The following CAST variants were observed in gnomAD, a reference collection of about 807,000 sequenced individuals.
The protein encoded by CAST is calpastatin.
Under a neutral mutation model 119.6 loss-of-function variants are expected in CAST, and 76 were observed. The ratio of observed to expected loss-of-function variants is 0.64; its 90% CI spans 0.53 to 0.77. The LOEUF (loss-of-function observed/expected upper bound fraction) is 0.77, where lower values mean the gene tolerates loss of function less well. CAST is among the 30% of genes least tolerant of loss of function. CAST has a pLI of 0.00. For missense variants in CAST, 953 were observed against 946.5 expected (o/e 1.01, Z -0.09); for synonymous variants, 319 against 331.6 (o/e 0.96, Z 0.41).
chr5:96,574,837 C>G (rs567740863), intron 1 of CAST, among the ~76,000 whole-genome samples: 1 of 152,278 alleles, frequency 6.6e-6, no homozygotes, highest in East Asian at 1.9e-4. Flanking sequence ...CCATACGAAA[C>G]AGCACATTCC....
chr5:96,553,280 C>A (rs1746171912), intron 1 of CAST, among the ~76,000 whole-genome samples: 1 of 152,164 alleles, frequency 6.6e-6, no homozygotes, highest in African/African-American at 2.4e-5. Flanking sequence ...TAGACATAAT[C>A]CATCACATAA....
the CAST span, among the ~76,000 whole-genome samples, chr5:96,495,664 T>C: frequency 6.6e-6 from 1 of 152,238 alleles, no homozygotes; most frequent in South Asian, 2.1e-4. Context: ...GTCCACTCTA[T>C]GATTGATGGG....
chr5:96,002,989 A>C, the CAST span, among the ~76,000 whole-genome samples: 1 of 152,140 alleles, frequency 6.6e-6, no homozygotes, highest in African/African-American at 2.4e-5. Flanking sequence ...TAATCCCAGC[A>C]CTTTGGGAGG....
chr5:96,375,895 C>A, the CAST span, among the ~76,000 whole-genome samples: 358 of 142,292 alleles, frequency 2.5e-3, 3 homozygotes, highest in South Asian at 3.8e-3. Context: ...AAATCTCTCT[C>A]TCTCTATATA....
intron 1 of CAST, among the ~76,000 whole-genome samples, chr5:96,617,414 A>G (rs1377427706): frequency 6.6e-6 from 1 of 152,230 alleles, no homozygotes; most frequent in African/African-American, 2.4e-5. Context: ...AGCTAAAAAA[A>G]GAAAGGGACA....
intron 1 of CAST, among the ~76,000 whole-genome samples, chr5:96,604,710 T>C (rs1747219244): frequency 6.6e-6 from 1 of 152,218 alleles, no homozygotes; most frequent in Non-Finnish European, 1.5e-5. Context: ...TTGGGGCTGA[T>C]GCAAAAATTA....
At chr5:96,067,509 G>T in the CAST span, among the ~76,000 whole-genome samples, 1 of 152,148 alleles carries the variant, frequency 6.6e-6, no homozygotes, top group African/African-American at 2.4e-5. Flanking sequence ...TCGAAGTGAA[G>T]AATTCTTTGA....
chr5:96,212,472 T>G, the CAST span, among the ~76,000 whole-genome samples: 2 of 152,164 alleles, frequency 1.3e-5, no homozygotes, highest in African/African-American at 4.8e-5. Context: ...TCCTTTAAAT[T>G]TGTTGAGGTT....
the CAST span, among the ~76,000 whole-genome samples, chr5:96,490,357 T>C: frequency 8.0e-6 from 1 of 125,218 alleles, no homozygotes; most frequent in African/African-American, 4.9e-5. Context: ...TGTGTGTCTG[T>C]GTGTGTGTGT....
intron 1 of CAST, chr5:96,662,851 A>G (rs956060985): frequency 3.2e-5 from 18 of 557,920 alleles, no homozygotes; most frequent in Middle Eastern, 4.6e-4. Flanking sequence ...GGACAGCGGG[A>G]TGTAGTCTTC....
At chr5:96,531,246 A>T (rs1416698941) in intron 1 of CAST, among the ~76,000 whole-genome samples, 1 of 152,232 alleles carries the variant, frequency 6.6e-6, no homozygotes, top group African/African-American at 2.4e-5. Context: ...CAGAACACAT[A>T]GGGGTGGCAG....
At chr5:96,236,844 T>A in the CAST span, among the ~76,000 whole-genome samples, 1 of 152,198 alleles carries the variant, frequency 6.6e-6, no homozygotes, top group Non-Finnish European at 1.5e-5. Context: ...CTTCTTTGAC[T>A]GTGAAATAAA....
intron 1 of CAST, among the ~76,000 whole-genome samples, chr5:96,553,574 G>A (rs1470757688): frequency 1.3e-5 from 2 of 152,198 alleles, no homozygotes; most frequent in Non-Finnish European, 2.9e-5. Context: ...GCAAGAGAAG[G>A]CAATAAAGGT....
chr5:96,759,409 G>T (rs1274304010), intron 24 of CAST, among the ~76,000 whole-genome samples: 1 of 151,984 alleles, frequency 6.6e-6, no homozygotes, highest in Admixed American at 6.6e-5. Flanking sequence ...AAACATCAAA[G>T]ATATTACAAG....
chr5:96,616,746 A>C (rs12654462), intron 1 of CAST, among the ~76,000 whole-genome samples: 37,902 of 117,650 alleles, frequency 0.32, 5,093 homozygotes, highest in Admixed American at 0.35. Flanking sequence ...CTCTCTCTCT[A>C]TATATATACA....
intron 1 of CAST, chr5:96,546,458 A>T (rs13178437): frequency 6.6e-6 from 1 of 152,148 alleles, no homozygotes; most frequent in Non-Finnish European, 1.5e-5. Flanking sequence ...AGCTCAGAAC[A>T]CATAGTTACC....
In CAST at chr5:96,708,210, T is replaced by A. The variant is rs112720491; in HGVS notation, c.210+12303T>A. 3.9e-3 allele frequency among the ~76,000 whole-genome samples: 592 copies of A among 152,258 alleles called. 10 individuals are homozygous for A. Among genetic ancestry groups the A allele is most frequent in the South Asian group, 0.033 (157 of 4,824 alleles). ...ATTTTATAGCATTTTATTTTAAAAGTTGTGTCAGGTTTAGAGAGGTGAGTC... is the reference window on the plus strand; with the variant it reads ...ATTTTATAGCATTTTATTTTAAAAGATGTGTCAGGTTTAGAGAGGTGAGTC... On this transcript the variant is annotated intron_variant, in intron 3 of 31. Coordinates refer to ENST00000675179, the MANE Select transcript of CAST (RefSeq NM_001750.7).
chr5:96,493,950 G>A, the CAST span, among the ~76,000 whole-genome samples: 17 of 152,122 alleles, frequency 1.1e-4, no homozygotes, highest in Non-Finnish European at 1.9e-4. Flanking sequence ...CAGGAGAATC[G>A]CTTGAACCTG....
At chr5:96,703,851 G>A (rs1421011709) in intron 3 of CAST, among the ~76,000 whole-genome samples, 1 of 152,212 alleles carries the variant, frequency 6.6e-6, no homozygotes, top group African/African-American at 2.4e-5. Context: ...AAAGGGGAAA[G>A]TCTATTTCCT....
Sources: gnomAD v4.1 joint callset for allele counts (sites outside exome capture counted in the v4.1 genomes callset) on GRCh38, gnomAD v4.1.1 for gene constraint, MANE v1.5 for transcripts, NCBI Gene and HGNC (gene_info 2026-07-23, HGNC 2026-07-21) for gene names.